VSNL1: variants seen among roughly 807,000 people sequenced by gnomAD.
VSNL1 encodes the protein visinin like 1.
A neutral mutation model predicts 20.4 loss-of-function variants in VSNL1; 6 were observed. That is an observed-to-expected ratio of 0.29 (90% CI 0.16 to 0.58). VSNL1 has a LOEUF of 0.58. Ranked by LOEUF, VSNL1 falls within the 20% of genes least tolerant of loss-of-function variation. The probability of loss-of-function intolerance (pLI) is 0.90; values close to 1 mark genes in which losing one functional copy is unlikely to be tolerated. For synonymous variants in VSNL1, 93 were observed against 86.4 expected (o/e 1.08, Z -0.42); for missense variants, 100 against 234.5 (o/e 0.43, Z 3.75).
At chr2:17,559,625 C>A (rs1663767245) in intron 1 of VSNL1, among the ~76,000 whole-genome samples, 1 of 152,088 alleles carries the variant, frequency 6.6e-6, no homozygotes, top group South Asian at 2.1e-4. Context: ...TATCTAATAT[C>A]CTTCCAGTTC....
chr2:17,656,663 A>C lies in VSNL1; in HGVS notation c.*1269A>C, dbSNP rs1334250295. ...CAGAAGAGATTCCATCAAAACCTCTAAAAGCAGGTTTGCATTTTCAGAACA... is the reference window on the plus strand; with the variant it reads ...CAGAAGAGATTCCATCAAAACCTCTCAAAGCAGGTTTGCATTTTCAGAACA... On this transcript the variant is annotated 3_prime_UTR_variant, in exon 4 of 4. Coordinates refer to ENST00000295156, the MANE Select transcript of VSNL1 (RefSeq NM_003385.5). The C allele has an allele frequency of 6.6e-6, 1 of 152,248 alleles. No individual in the cohort carries two copies. Among genetic ancestry groups the C allele is most frequent in the South Asian group, 2.1e-4 (1 of 4,832 alleles). 9.4% of individuals were successfully genotyped at this position (152,248 alleles called of 1,614,324 possible). A position where few individuals can be genotyped will look rare whatever the true frequency, so the allele number is the denominator to read the frequency against.
At chr2:17,585,698 T>G (rs1664456851) in intron 1 of VSNL1, among the ~76,000 whole-genome samples, 1 of 152,140 alleles carries the variant, frequency 6.6e-6, no homozygotes, top group African/African-American at 2.4e-5. Context: ...ATCACCTTCC[T>G]GAGCCTCAAA....
chr2:17,560,836 A>G (rs1006241960), intron 1 of VSNL1, among the ~76,000 whole-genome samples: 1 of 152,226 alleles, frequency 6.6e-6, no homozygotes, highest in Non-Finnish European at 1.5e-5. Flanking sequence ...AGATCTCTGT[A>G]TCCTCTGTAC....
intron 1 of VSNL1, among the ~76,000 whole-genome samples, chr2:17,564,143 T>C (rs1318889669): frequency 6.6e-6 from 1 of 152,206 alleles, no homozygotes; most frequent in Non-Finnish European, 1.5e-5. Flanking sequence ...GGCTTTCTTT[T>C]ATTTGTTCTG....
intron 2 of VSNL1, among the ~76,000 whole-genome samples, chr2:17,594,757 A>G (rs1257901565): frequency 2.0e-5 from 3 of 152,194 alleles, no homozygotes; most frequent in African/African-American, 4.8e-5. Context: ...TCGGTTGCTA[A>G]AAAACAAGTT....
intron 2 of VSNL1, among the ~76,000 whole-genome samples, chr2:17,600,768 C>T (rs1664804257): frequency 6.6e-6 from 1 of 152,172 alleles, no homozygotes. Flanking sequence ...TGTATTTCCA[C>T]TTGGAATGTT....
chr2:17,552,473 G>C (rs1663567171), intron 1 of VSNL1, among the ~76,000 whole-genome samples: 1 of 151,836 alleles, frequency 6.6e-6, no homozygotes, highest in South Asian at 2.1e-4. Context: ...TTTTTTATTA[G>C]GGAAAGCGTA....
chr2:17,605,743 C>T (rs757377824), intron 2 of VSNL1, among the ~76,000 whole-genome samples: 11 of 152,158 alleles, frequency 7.2e-5, no homozygotes, highest in Non-Finnish European at 7.4e-5. Context: ...CTGTTATCCC[C>T]GTGCAGCCAT....
intron 1 of VSNL1, among the ~76,000 whole-genome samples, chr2:17,582,642 C>G (rs1255405995): frequency 6.6e-6 from 1 of 151,972 alleles, no homozygotes. Flanking sequence ...CTGCATGGAA[C>G]CTTGTGAAGA....
chr2:17,590,805 G>T (rs1352610467), intron 1 of VSNL1, among the ~76,000 whole-genome samples: 2 of 152,138 alleles, frequency 1.3e-5, no homozygotes, highest in Admixed American at 1.3e-4. Context: ...AAGAGAGTTT[G>T]TCTCAAGCAC....
rs543323085 is a variant in VSNL1, at chr2:17,615,979, G to A, written c.162+23743G>A. Among the ~76,000 whole-genome samples, 19 of 152,304 alleles carry A rather than the reference G, an allele frequency of 1.2e-4. No individual in the cohort carries two copies. In the South Asian group the frequency reaches 3.7e-3, roughly 30 times the overall value. On this transcript the variant is annotated intron_variant, in intron 2 of 3. Transcript: ENST00000295156. ...AATTATCATCTATTTCCTGGAAAAG[G>A]CAAGGGAATGGATCCTCCCCTGCAG...
At chr2:17,640,699 T>C (rs80008941) in intron 2 of VSNL1, among the ~76,000 whole-genome samples, 18,799 of 152,200 alleles carry the variant, frequency 0.12, 1,416 homozygotes, top group Non-Finnish European at 0.17. Context: ...TTTTTTTCTT[T>C]TATTTTTATT....
At chr2:17,654,749 A>T (rs1192219380) in intron 3 of VSNL1, among the ~76,000 whole-genome samples, 1 of 152,088 alleles carries the variant, frequency 6.6e-6, no homozygotes, top group Non-Finnish European at 1.5e-5. Flanking sequence ...TCCTAGGAAA[A>T]CTCGGTGATC....
intron 1 of VSNL1, among the ~76,000 whole-genome samples, chr2:17,565,175 A>G (rs1226236405): frequency 3.9e-5 from 6 of 152,182 alleles, no homozygotes; most frequent in African/African-American, 1.4e-4. Context: ...CAACATTGTA[A>G]AGTACCTAGG....
intron 2 of VSNL1, among the ~76,000 whole-genome samples, chr2:17,638,051 A>C (rs1381815565): frequency 1.3e-5 from 2 of 152,154 alleles, no homozygotes; most frequent in Non-Finnish European, 2.9e-5. Flanking sequence ...ACTAGAATGC[A>C]TGCAGATGTG....
intron 2 of VSNL1, among the ~76,000 whole-genome samples, chr2:17,611,170 G>A (rs1665075626): frequency 6.6e-6 from 1 of 152,172 alleles, no homozygotes; most frequent in Admixed American, 6.5e-5. Context: ...TGTGTTATCT[G>A]TTTAATTCAT....
intron 1 of VSNL1, among the ~76,000 whole-genome samples, chr2:17,588,919 G>A (rs1049333590): frequency 5.9e-5 from 9 of 152,140 alleles, no homozygotes; most frequent in Non-Finnish European, 1.2e-4. Context: ...TATTATTTGA[G>A]CACCTAATAG....
intron 2 of VSNL1, among the ~76,000 whole-genome samples, chr2:17,599,950 C>G (rs1664789497): frequency 6.6e-6 from 1 of 152,182 alleles, no homozygotes; most frequent in Non-Finnish European, 1.5e-5. Flanking sequence ...TCCATCCTAG[C>G]CATCTTTCCA....
intron 2 of VSNL1, among the ~76,000 whole-genome samples, chr2:17,626,236 C>T (rs1338696110): frequency 6.6e-6 from 1 of 152,206 alleles, no homozygotes; most frequent in Non-Finnish European, 1.5e-5. Flanking sequence ...GTCTCTGCAG[C>T]ACCCCTAAGT....
Sources: allele counts gnomAD v4.1 joint callset (sites outside exome capture counted in the v4.1 genomes callset), GRCh38; gene constraint gnomAD v4.1.1; transcripts MANE v1.5; gene names NCBI Gene and HGNC (gene_info 2026-07-23, HGNC 2026-07-21).